TMEM232: variants seen among roughly 807,000 people sequenced by gnomAD.
TMEM232 encodes transmembrane protein 232.
In TMEM232, 80 loss-of-function variants were observed where a neutral mutation model predicts 78.8. The ratio of observed to expected loss-of-function variants is 1.01; its 90% CI spans 0.85 to 1.22. The LOEUF (loss-of-function observed/expected upper bound fraction) is 1.22. Ranked by LOEUF, TMEM232 falls within the 50% of genes most tolerant of loss-of-function variation. TMEM232 has a pLI of 0.00. For missense variants in TMEM232, 881 were observed against 742.2 expected, an observed-to-expected ratio of 1.19 and a Z score of -2.17; for synonymous variants, 297 against 254.3, an observed-to-expected ratio of 1.17 and a Z score of -1.60.
intron 1 of TMEM232, among the ~76,000 whole-genome samples, chr5:110,712,010 G>C (rs990597354): frequency 2.0e-5 from 3 of 150,630 alleles, no homozygotes; most frequent in Non-Finnish European, 4.4e-5. Context: ...GCTGAGGGAG[G>C]AGAATGGCGT....
chr5:110,474,120 A>C (rs1173211566), intron 12 of TMEM232, among the ~76,000 whole-genome samples: 1 of 151,780 alleles, frequency 6.6e-6, no homozygotes, highest in African/African-American at 2.4e-5. Flanking sequence ...TGTACATTTC[A>C]AAATAGCTAT....
intron 12 of TMEM232, among the ~76,000 whole-genome samples, chr5:110,456,353 G>C (rs1293390976): frequency 1.3e-5 from 2 of 151,734 alleles, no homozygotes; most frequent in Non-Finnish European, 2.9e-5. Context: ...AAAATATGAA[G>C]AATCTATATG....
At position 110,606,149 on chromosome 5, in the gene TMEM232, A is replaced by T. The variant is rs1426236580; in HGVS notation, c.1026+15T>A. On this transcript the variant is annotated intron_variant, in intron 9 of 13. Coordinates refer to ENST00000455884, the MANE Select transcript of TMEM232 (RefSeq NM_001039763.4). ...CTCTTCGGTTCTCTTTTCACATATA[A>T]ATTAGCAATGTTACCTGATTTTGAA... The T allele has an allele frequency of 3.3e-6, 5 of 1,531,000 alleles. No homozygotes were observed. The highest frequency in any genetic ancestry group is 4.4e-6 in the Non-Finnish European group (5 of 1,134,700). 94.8% of individuals were successfully genotyped at this position (1,531,000 alleles called of 1,614,324 possible).
At chr5:110,717,628 G>A (rs976947979) in intron 1 of TMEM232, among the ~76,000 whole-genome samples, 18 of 152,076 alleles carry the variant, frequency 1.2e-4, no homozygotes, top group African/African-American at 4.1e-4. Context: ...ATCTCATCTC[G>A]AATTGTAACC....
intron 11 of TMEM232, among the ~76,000 whole-genome samples, chr5:110,548,353 T>G (rs1430215856): frequency 6.7e-6 from 1 of 149,110 alleles, no homozygotes; most frequent in Non-Finnish European, 1.5e-5. Flanking sequence ...AATCATTAAT[T>G]ATTAATATTT....
intron 11 of TMEM232, among the ~76,000 whole-genome samples, chr5:110,542,712 C>T (rs73783630): frequency 0.039 from 5,924 of 152,150 alleles, 181 homozygotes; most frequent in African/African-American, 0.081. Flanking sequence ...CAATTCACAA[C>T]GACTTCCTGG....
At chr5:110,414,064 C>T (rs1302031815) in intron 2 of TMEM232, among the ~76,000 whole-genome samples, 2 of 152,136 alleles carry the variant, frequency 1.3e-5, no homozygotes, top group African/African-American at 4.8e-5. Flanking sequence ...ATTACTCTAT[C>T]AATTTTTCAC....
At chr5:110,692,723 C>G (rs183782897) in intron 1 of TMEM232, among the ~76,000 whole-genome samples, 3 of 152,294 alleles carry the variant, frequency 2.0e-5, no homozygotes, top group Non-Finnish European at 4.4e-5. Context: ...AGTCTGAGAT[C>G]AAACTGCAAG....
chr5:110,572,964 G>C (rs918619774), intron 10 of TMEM232, among the ~76,000 whole-genome samples: 2 of 152,020 alleles, frequency 1.3e-5, no homozygotes, highest in African/African-American at 2.4e-5. Flanking sequence ...GCACTCTTCT[G>C]TTCTGCTTTG....
chr5:110,626,817 T>G (rs1784482495), intron 6 of TMEM232, among the ~76,000 whole-genome samples: 1 of 152,062 alleles, frequency 6.6e-6, no homozygotes, highest in Non-Finnish European at 1.5e-5. Context: ...TTAATACTTC[T>G]ATGACAATGT....
intron 12 of TMEM232, among the ~76,000 whole-genome samples, chr5:110,512,539 T>C (rs536946859): frequency 6.6e-6 from 1 of 152,288 alleles, no homozygotes; most frequent in African/African-American, 2.4e-5. Flanking sequence ...TTTAAATCCA[T>C]AGCAAGAGAC....
chr5:110,605,292 G>C lies in TMEM232; in HGVS notation c.1093C>G (p.Leu365Val), dbSNP rs2149827820. 1.3e-6 allele frequency: 2 copies of C among 1,551,332 alleles called. No individual in the cohort carries two copies. Among genetic ancestry groups the C allele is most frequent in the South Asian group, 2.4e-5 (2 of 84,048 alleles). ...GCTGCATACAAGCAGATTTCTGCAA[G>C]AATTACTGTATATATGTAGACTACA... Reference protein sequence around the residue: ...WNVVYIYTVILAEICLYAATS... With the variant: ...WNVVYIYTVIVAEICLYAATS... The change falls in exon 10 of 14, where the codon CTT becomes GTT. Residue 365 changes from leucine to valine, a missense_variant. Coordinates refer to ENST00000455884, the MANE Select transcript of TMEM232 (RefSeq NM_001039763.4).
intron 4 of TMEM232, among the ~76,000 whole-genome samples, chr5:110,640,012 C>A (rs1786441995): frequency 6.6e-6 from 1 of 152,210 alleles, no homozygotes; most frequent in South Asian, 2.1e-4. Flanking sequence ...TTAGACCATC[C>A]ATGATTCACC....
At chr5:110,417,474 A>C (rs1397346338), downstream of TMEM232, among the ~76,000 whole-genome samples, 2 of 152,214 alleles carry the variant, frequency 1.3e-5, no homozygotes, top group African/African-American at 4.8e-5. Context: ...ACTAAACATA[A>C]ATTACAAAGA....
chr5:110,393,464 G>C (rs1048753214), intron 3 of TMEM232, among the ~76,000 whole-genome samples: 4 of 151,838 alleles, frequency 2.6e-5, no homozygotes, highest in African/African-American at 9.7e-5. Context: ...GCTTTCTTTT[G>C]CTTAGTATTT....
At chr5:110,651,683 A>T (rs1561455424) in intron 2 of TMEM232, among the ~76,000 whole-genome samples, 1 of 152,086 alleles carries the variant, frequency 6.6e-6, no homozygotes, top group Non-Finnish European at 1.5e-5. Context: ...TTCAGAGAAC[A>T]AGGGGGTGAG....
intron 12 of TMEM232, among the ~76,000 whole-genome samples, chr5:110,463,444 A>C (rs1761748006): frequency 1.3e-5 from 2 of 152,144 alleles, no homozygotes; most frequent in Non-Finnish European, 2.9e-5. Flanking sequence ...CTTTATTGTG[A>C]TATTCTCTTT....
intron 8 of TMEM232, chr5:110,617,960 G>A (rs1000674064): frequency 1.8e-5 from 3 of 162,810 alleles, no homozygotes; most frequent in Non-Finnish European, 2.6e-5. Context: ...CGGAGATCAC[G>A]GCACTGCAAC....
chr5:110,445,809 T>C (rs1279358418), intron 12 of TMEM232, among the ~76,000 whole-genome samples: 1 of 152,150 alleles, frequency 6.6e-6, no homozygotes, highest in African/African-American at 2.4e-5. Flanking sequence ...CCATTTGAGC[T>C]TCTCATCAGA....
Sources: gnomAD v4.1 joint callset for allele counts (sites outside exome capture counted in the v4.1 genomes callset) on GRCh38, gnomAD v4.1.1 for gene constraint, MANE v1.5 for transcripts, NCBI Gene and HGNC (gene_info 2026-07-23, HGNC 2026-07-21) for gene names.